The following RABL3 variants were observed in gnomAD, a reference collection of about 807,000 sequenced individuals.
RABL3 encodes RAB, member of RAS oncogene family like 3.
Under a neutral mutation model 31.8 loss-of-function variants are expected in RABL3, and 31 were observed. The observed-to-expected ratio is 0.97, with a 90% CI of 0.73 to 1.31. RABL3 has a LOEUF of 1.31. RABL3 is among the 40% of genes most tolerant of loss of function. The pLI, the probability that RABL3 is intolerant of heterozygous loss-of-function variation, is 0.00. For missense variants in RABL3, 263 were observed against 279.6 expected (o/e 0.94, Z 0.42); for synonymous variants, 97 against 99.9 (o/e 0.97, Z 0.18).
chr3:120,716,023 C>T (rs1447885517), intron 2 of RABL3, among the ~76,000 whole-genome samples: 1 of 152,188 alleles, frequency 6.6e-6, no homozygotes, highest in African/African-American at 2.4e-5. Context: ...ACCTCATATG[C>T]TTAGTGAAGA....
rs1278449582 is a variant in RABL3, at chr3:120,686,711, TGTAA to T, written c.*3108_*3111del. 2.0e-5 allele frequency: 3 copies of T among 152,220 alleles called. No homozygotes were observed. The highest frequency in any genetic ancestry group is 2.4e-5 in the African/African-American group (1 of 41,458). The allele number at this position is 152,220 out of a possible 1,614,324, so 9.4% of individuals were successfully genotyped here. ...GAGAAAAGCACACACATTTATTTAC[TGTAA>T]GTTTTACATGACAGGAATCTTCAGA... On this transcript the variant is annotated 3_prime_UTR_variant, in exon 8 of 8. Coordinates refer to ENST00000273375, the MANE Select transcript of RABL3 (RefSeq NM_173825.5).
In RABL3 at chr3:120,742,482, A is replaced by G; in HGVS notation, c.26T>C (p.Val9Ala). 6.2e-7 allele frequency: 1 copy of G among 1,614,130 alleles called. No individual in the cohort carries two copies. ...CTCACCTGAGTCTCCCAACACCAGTACCTTCACCCGATCCAGGGACGCCAT... is the reference window on the plus strand; with the variant it reads ...CTCACCTGAGTCTCCCAACACCAGTGCCTTCACCCGATCCAGGGACGCCAT... MASLDRVK[V>A]LVLGDSGVGK... Residue 9 changes from valine (V) to alanine (A), a missense_variant, in exon 1 of 8, where the codon GTA becomes GCA. Coordinates refer to ENST00000273375, the MANE Select transcript of RABL3 (RefSeq NM_173825.5).
intron 4 of RABL3, among the ~76,000 whole-genome samples, chr3:120,701,037 G>A (rs1233594832): frequency 6.6e-6 from 1 of 151,944 alleles, no homozygotes; most frequent in Admixed American, 6.6e-5. Context: ...ATCTCCCCTG[G>A]CCCCCTATAG....
chr3:120,699,380 T>A (rs867320276), intron 4 of RABL3, among the ~76,000 whole-genome samples: 21 of 152,198 alleles, frequency 1.4e-4, no homozygotes, highest in African/African-American at 4.6e-4. Flanking sequence ...AAAAATTTAT[T>A]TATCCAAAGA....
chr3:120,736,997 C>T (rs1383567928), intron 1 of RABL3, among the ~76,000 whole-genome samples: 2 of 152,174 alleles, frequency 1.3e-5, no homozygotes, highest in African/African-American at 4.8e-5. Flanking sequence ...CTGACAATTA[C>T]ATGTCTTGGA....
chr3:120,711,162 T>C (rs368152484), intron 2 of RABL3, among the ~76,000 whole-genome samples: 1 of 152,166 alleles, frequency 6.6e-6, no homozygotes, highest in East Asian at 1.9e-4. Flanking sequence ...CTCTCTGATT[T>C]CTAATTGCTA....
intron 4 of RABL3, among the ~76,000 whole-genome samples, chr3:120,703,256 C>T (rs1240915818): frequency 6.6e-6 from 1 of 152,034 alleles, no homozygotes; most frequent in Non-Finnish European, 1.5e-5. Flanking sequence ...GTTCTTGGAT[C>T]ATAATAAAAT....
intron 1 of RABL3, among the ~76,000 whole-genome samples, chr3:120,734,944 G>A (rs1299473062): frequency 6.6e-6 from 1 of 152,168 alleles, no homozygotes; most frequent in African/African-American, 2.4e-5. Context: ...GATTCGGTTT[G>A]CCAGTATTTT....
At chr3:120,694,275 C>A in intron 5 of RABL3, 51 bp from the exon 6 acceptor site, 1 of 1,224,462 alleles carries the variant, frequency 8.2e-7, no homozygotes, top group Non-Finnish European at 1.2e-6. Context: ...AACCCAAGCT[C>A]GTTGCTATTC....
intron 1 of RABL3, among the ~76,000 whole-genome samples, chr3:120,735,714 A>G (rs1426512820): frequency 1.3e-5 from 2 of 152,250 alleles, no homozygotes; most frequent in Admixed American, 6.5e-5. Flanking sequence ...ACACTGCTTT[A>G]AATGTGTCCC....
intron 2 of RABL3, 54 bp from the exon 3 acceptor site, chr3:120,709,963 G>A: frequency 7.5e-7 from 1 of 1,333,212 alleles, no homozygotes; most frequent in Non-Finnish European, 1.0e-6. Context: ...AAACTAGTAA[G>A]TACCCTTATT....
chr3:120,712,778 G>A (rs1462119840), intron 2 of RABL3, among the ~76,000 whole-genome samples: 1 of 152,078 alleles, frequency 6.6e-6, no homozygotes, highest in Non-Finnish European at 1.5e-5. Context: ...TTAAATACAT[G>A]AATAAATTTA....
rs537676461 is a variant in RABL3, at chr3:120,722,978, A to G, written c.138+7718T>C. Among the ~76,000 whole-genome samples, 4 of 152,342 alleles carry G rather than the reference A, an allele frequency of 2.6e-5. No individual in the cohort carries two copies. In the East Asian group the frequency reaches 7.7e-4, roughly 29 times the overall value. Reference sequence around the variant, plus strand: ...AGAACTGAAGGAAATAATGATACAAAAAACTCTTCAAAAAATCAATGAATC... The same window carrying G: ...AGAACTGAAGGAAATAATGATACAAGAAACTCTTCAAAAAATCAATGAATC... On this transcript the variant is annotated intron_variant, in intron 2 of 7. Transcript: ENST00000273375.
In RABL3 at chr3:120,742,391, G is replaced by A. The variant is rs1258518297; in HGVS notation, c.46+71C>T. 4.2e-6 allele frequency: 6 copies of A among 1,437,800 alleles called. No homozygotes were observed. In the South Asian group the frequency reaches 4.6e-5, roughly 11 times the overall value. The allele number at this position is 1,437,800 out of a possible 1,614,324, so 89.1% of individuals were successfully genotyped here. The stretch of plus-strand genomic sequence containing the variant: ...CCGAGGAGCCAGGAAGTTGAGGGAA[G>A]GAAGCTAAGGGGAGGGTTACTGGGT... On this transcript the variant is annotated intron_variant, in intron 1 of 7. Coordinates refer to ENST00000273375, the MANE Select transcript of RABL3 (RefSeq NM_173825.5).
At position 120,694,273 on chromosome 3, in the gene RABL3, C is replaced by G. The variant is rs544732017; in HGVS notation, c.535-49G>C. 2.4e-6 allele frequency: 3 copies of G among 1,273,494 alleles called. No individual in the cohort carries two copies. The East Asian group carries it at 6.9e-5, about 29-fold the overall frequency. 78.9% of individuals were successfully genotyped at this position (1,273,494 alleles called of 1,614,324 possible). A position where few individuals can be genotyped will look rare whatever the true frequency, so the allele number is the denominator to read the frequency against. ...ACAATTGAAAGTTAGGAAACCCAAGCTCGTTGCTATTCATAACTTATCCTG... is the reference window on the plus strand; with the variant it reads ...ACAATTGAAAGTTAGGAAACCCAAGGTCGTTGCTATTCATAACTTATCCTG... On this transcript the variant is annotated intron_variant, in intron 5 of 7. Transcript: ENST00000273375.
At chr3:120,692,590 A>T (rs1708393616) in intron 6 of RABL3, among the ~76,000 whole-genome samples, 1 of 152,140 alleles carries the variant, frequency 6.6e-6, no homozygotes, top group Admixed American at 6.5e-5. Context: ...TCAGGCAACC[A>T]CCTCAGTCTG....
At chr3:120,705,231 C>T (rs1708535171) in intron 4 of RABL3, among the ~76,000 whole-genome samples, 1 of 152,090 alleles carries the variant, frequency 6.6e-6, no homozygotes, top group African/African-American at 2.4e-5. Flanking sequence ...GATGTTAATT[C>T]TCTCCAATGT....
chr3:120,740,907 T>C (rs1327375811), intron 1 of RABL3, among the ~76,000 whole-genome samples: 4 of 152,214 alleles, frequency 2.6e-5, no homozygotes, highest in African/African-American at 9.6e-5. Context: ...GCCTGATTAC[T>C]TTTCCACATT....
chr3:120,741,325 C>A (rs1709040095), intron 1 of RABL3, among the ~76,000 whole-genome samples: 2 of 152,164 alleles, frequency 1.3e-5, no homozygotes, highest in Admixed American at 1.3e-4. Flanking sequence ...TTAAATAATG[C>A]TCTCTGTAAA....
Sources: allele counts gnomAD v4.1 joint callset (sites outside exome capture counted in the v4.1 genomes callset), GRCh38; gene constraint gnomAD v4.1.1; transcripts MANE v1.5; gene names NCBI Gene and HGNC (gene_info 2026-07-23, HGNC 2026-07-21).